Variants in NSRP1 observed in about 807,000 individuals in gnomAD.
The protein encoded by NSRP1 is coiled-coil domain containing 55.
Under a neutral mutation model 54.7 loss-of-function variants are expected in NSRP1, and 24 were observed. That is an observed-to-expected ratio of 0.44 (90% CI 0.32 to 0.62). NSRP1 has a LOEUF of 0.62. Ranked by LOEUF, NSRP1 falls within the 20% of genes least tolerant of loss-of-function variation. The pLI is 0.06. For missense variants in NSRP1, 596 were observed against 651.2 expected (o/e 0.92, Z 0.92); for synonymous variants, 210 against 213.8 (o/e 0.98, Z 0.15).
chr17:30,122,349 T>TGTGTGTA lies in NSRP1; in HGVS notation c.114+4176_114+4177insGTGTGTA, dbSNP rs1481107161. On this transcript the variant is annotated intron_variant, in intron 2 of 6. Coordinates refer to ENST00000247026, the MANE Select transcript of NSRP1 (RefSeq NM_032141.4). ...TTTCTGGTTCATATGATAACTCTGG[T>TGTGTGTA]TTCATATATATATATATATATATAT... 131 of 72,282 alleles carry TGTGTGTA rather than the reference T, an allele frequency of 1.8e-3. 1 individual carries two copies. The highest frequency in any genetic ancestry group is 7.2e-3 in the African/African-American group (127 of 17,580). 4.5% of individuals were successfully genotyped at this position (72,282 alleles called of 1,614,324 possible).
At chr17:30,116,964 TGTC>T in intron 1 of NSRP1, 101 bp downstream of exon 1, 5 of 1,395,202 alleles carry the variant, frequency 3.6e-6, no homozygotes, top group Non-Finnish European at 5.0e-6. Flanking sequence ...GAAGGGACTG[TGTC>T]GTCAAGGGTA....
chr17:30,176,281 T>C (rs1303342398), intron 3 of NSRP1, among the ~76,000 whole-genome samples: 3 of 152,060 alleles, frequency 2.0e-5, no homozygotes, highest in African/African-American at 7.2e-5. Context: ...CCCCTACAGC[T>C]CTCCTCCCAA....
intron 1 of NSRP1, chr17:30,117,244 C>T (rs1478020859): frequency 1.3e-5 from 8 of 607,324 alleles, no homozygotes; most frequent in Admixed American, 3.1e-5. Flanking sequence ...CCTTAGAGGG[C>T]CTTGTTCTCC....
At chr17:30,163,909 C>G (rs1261996918) in intron 2 of NSRP1, among the ~76,000 whole-genome samples, 1 of 152,000 alleles carries the variant, frequency 6.6e-6, no homozygotes, top group African/African-American at 2.4e-5. Flanking sequence ...TGGTCTTGAA[C>G]TCTTGACCTC....
intron 2 of NSRP1, among the ~76,000 whole-genome samples, chr17:30,135,241 G>A (rs1024852013): frequency 6.6e-6 from 1 of 151,840 alleles, no homozygotes; most frequent in Non-Finnish European, 1.5e-5. Flanking sequence ...GTTTCAGCCT[G>A]CTGATTAGCT....
chr17:30,179,436 A>T, intron 5 of NSRP1, 139 bp downstream of exon 5: 1 of 1,324,018 alleles, frequency 7.6e-7, no homozygotes. Flanking sequence ...AGACACAAGG[A>T]ATATGGTATT....
intron 2 of NSRP1, among the ~76,000 whole-genome samples, chr17:30,149,883 T>G (rs2071890134): frequency 6.6e-6 from 1 of 151,616 alleles, no homozygotes; most frequent in Admixed American, 6.6e-5. Flanking sequence ...TTTTAGTATA[T>G]TCACAGAATT....
chr17:30,176,348 T>G (rs1400880375), intron 3 of NSRP1, among the ~76,000 whole-genome samples: 1 of 152,098 alleles, frequency 6.6e-6, no homozygotes, highest in African/African-American at 2.4e-5. Context: ...CAGTGGCTCA[T>G]GCATGTAATC....
chr17:30,143,827 T>C (rs1458967414), intron 2 of NSRP1, among the ~76,000 whole-genome samples: 4 of 152,172 alleles, frequency 2.6e-5, no homozygotes, highest in African/African-American at 9.7e-5. Context: ...AAATAAAGAA[T>C]GTAATTGAAT....
chr17:30,149,210 A>G (rs1312472311), intron 2 of NSRP1, among the ~76,000 whole-genome samples: 1 of 151,838 alleles, frequency 6.6e-6, no homozygotes, highest in African/African-American at 2.4e-5. Flanking sequence ...CTATTCTTTT[A>G]TTTAATTTTT....
chr17:30,164,394 T>C (rs886965175), intron 2 of NSRP1, among the ~76,000 whole-genome samples: 1 of 152,192 alleles, frequency 6.6e-6, no homozygotes, highest in Non-Finnish European at 1.5e-5. Flanking sequence ...AGTTCTAATG[T>C]TTGCATTTGA....
At position 30,149,339 on chromosome 17, in the gene NSRP1, T is replaced by C. The variant is rs1268089172; in HGVS notation, c.115-23203T>C. 2.0e-5 allele frequency among the ~76,000 whole-genome samples: 3 copies of C among 152,300 alleles called. No homozygotes were observed. The East Asian group carries it at 5.8e-4, about 29-fold the overall frequency. On this transcript the variant is annotated intron_variant, in intron 2 of 6. Coordinates refer to ENST00000247026, the MANE Select transcript of NSRP1 (RefSeq NM_032141.4). The stretch of plus-strand genomic sequence containing the variant: ...TGTTGGGATTACAGGTTTGAGCTAC[T>C]GCACCTGGCTGCTGTTTTTATTCTT...
intron 3 of NSRP1, among the ~76,000 whole-genome samples, chr17:30,174,759 T>C (rs1346435114): frequency 2.0e-5 from 3 of 152,248 alleles, no homozygotes; most frequent in Non-Finnish European, 2.9e-5. Context: ...ACCAATAATG[T>C]AAAGTCAGCT....
At chr17:30,118,957 G>C (rs1243021285) in intron 2 of NSRP1, among the ~76,000 whole-genome samples, 1 of 151,664 alleles carries the variant, frequency 6.6e-6, no homozygotes, top group Admixed American at 6.6e-5. Flanking sequence ...CATGTTGGCC[G>C]GGCTAGTCTT....
chr17:30,180,175 T>C (rs538306368), intron 5 of NSRP1, among the ~76,000 whole-genome samples: 2 of 151,810 alleles, frequency 1.3e-5, no homozygotes, highest in Non-Finnish European at 2.9e-5. Context: ...ATCAGCTTTT[T>C]GGACAGAGTC....
intron 2 of NSRP1, among the ~76,000 whole-genome samples, chr17:30,122,128 T>C (rs1358423722): frequency 6.6e-6 from 1 of 151,870 alleles, no homozygotes; most frequent in Non-Finnish European, 1.5e-5. Flanking sequence ...GTGTCAGTAC[T>C]CTTTATTTCT....
At chr17:30,152,903 C>CTTTTTTTTTTTT (rs60246615) in intron 2 of NSRP1, among the ~76,000 whole-genome samples, 8 of 46,858 alleles carry the variant, frequency 1.7e-4, no homozygotes, top group Non-Finnish European at 2.3e-4. Context: ...TTATTTTCAG[C>CTTTTTTTTTTTT]TTTTTTTTTT....
At chr17:30,138,637 C>G (rs2071770764) in intron 2 of NSRP1, among the ~76,000 whole-genome samples, 1 of 151,932 alleles carries the variant, frequency 6.6e-6, no homozygotes, top group African/African-American at 2.4e-5. Context: ...GTTGGATCCA[C>G]ATAGATGGAA....
intron 2 of NSRP1, among the ~76,000 whole-genome samples, chr17:30,166,671 CTAGCACTT>C (rs1249813966): frequency 2.6e-5 from 4 of 152,152 alleles, no homozygotes; most frequent in Admixed American, 2.6e-4. Flanking sequence ...GCCTATAATC[CTAGCACTT>C]TGGGAGGCCG....
Sources: allele counts gnomAD v4.1 joint callset (sites outside exome capture counted in the v4.1 genomes callset), GRCh38; gene constraint gnomAD v4.1.1; transcripts MANE v1.5; gene names NCBI Gene and HGNC (gene_info 2026-07-23, HGNC 2026-07-21).